DYTN: variants seen among roughly 807,000 people sequenced by gnomAD.
DYTN encodes dystrotelin.
Under a neutral mutation model 69.6 loss-of-function variants are expected in DYTN, and 75 were observed. The observed-to-expected ratio is 1.08, with a 90% CI of 0.89 to 1.31. DYTN has a LOEUF of 1.31. Ranked by LOEUF, DYTN falls within the 50% of genes most tolerant of loss-of-function variation. The probability of loss-of-function intolerance (pLI) is 0.00; values close to 1 mark genes in which losing one functional copy is unlikely to be tolerated. For missense variants in DYTN, 726 were observed against 688.4 expected, an observed-to-expected ratio of 1.05 and a Z score of -0.61; for synonymous variants, 252 against 249.1, an observed-to-expected ratio of 1.01 and a Z score of -0.11.
Position 206,710,544 on chromosome 2 carries a change from G to A in DYTN, c.74C>T (p.Ser25Leu), listed in dbSNP as rs773374925. ...CTTACACTGGCACAGAGTTTGCACTGATTGTAATTTGAAGGCTGTTCTATA... is the reference window on the plus strand; with the variant it reads ...CTTACACTGGCACAGAGTTTGCACTAATTGTAATTTGAAGGCTGTTCTATA... ...SIYRTAFKLQ[S>L]VQTLCQLDLI... The change falls in exon 2 of 12, where the codon TCA (serine) becomes TTA (leucine). Residue 25 changes from serine to leucine, a missense_variant. Transcript: ENST00000452335. The A allele has an allele frequency of 6.2e-7, 1 of 1,612,144 alleles. No individual in the cohort carries two copies. Among genetic ancestry groups the A allele is most frequent in the South Asian group, 1.1e-5 (1 of 90,532 alleles).
rs1351226793 is a variant in DYTN, at chr2:206,664,649, A to G, written c.1140+1221T>C. Among the ~76,000 whole-genome samples, 3 of 152,208 alleles carry G rather than the reference A, an allele frequency of 2.0e-5. No individual in the cohort carries two copies. The East Asian group carries it at 5.8e-4, about 29-fold the overall frequency. On this transcript the variant is annotated intron_variant, in intron 10 of 11. Coordinates refer to ENST00000452335, the MANE Select transcript of DYTN (RefSeq NM_001093730.1). ...TGTACTCCAGCCTGGATGACAGAGC[A>G]AGACCCTGTCTAAAATGTATATTTA...
chr2:206,668,240 C>T (rs777726729), intron 9 of DYTN, among the ~76,000 whole-genome samples: 1 of 152,172 alleles, frequency 6.6e-6, no homozygotes, highest in Non-Finnish European at 1.5e-5. Flanking sequence ...TGTTGTCCAC[C>T]ACCCATGTCT....
chr2:206,669,499 G>C (rs1466122791), intron 9 of DYTN, among the ~76,000 whole-genome samples: 1 of 152,088 alleles, frequency 6.6e-6, no homozygotes, highest in Non-Finnish European at 1.5e-5. Flanking sequence ...TCAATAATCA[G>C]CCTTACACTT....
chr2:206,680,441 C>T (rs912142979), intron 9 of DYTN, among the ~76,000 whole-genome samples: 12 of 152,158 alleles, frequency 7.9e-5, no homozygotes, highest in East Asian at 1.9e-4. Flanking sequence ...CAGATATTTA[C>T]AAACATCAAT....
At chr2:206,683,046 G>GA (rs753527751) in intron 9 of DYTN, among the ~76,000 whole-genome samples, 75 of 151,818 alleles carry the variant, frequency 4.9e-4, no homozygotes, top group Non-Finnish European at 7.5e-4. Context: ...CCTACACCAG[G>GA]AAAAAAAGTA....
At chr2:206,696,688 A>T (rs1200494823) in intron 7 of DYTN, among the ~76,000 whole-genome samples, 1 of 152,318 alleles carries the variant, frequency 6.6e-6, no homozygotes, top group South Asian at 2.1e-4. Flanking sequence ...TTTGAGTCCC[A>T]GGTTACTATC....
intron 6 of DYTN, 62 bp downstream of exon 6, chr2:206,700,083 A>G (rs1302717734): frequency 3.7e-6 from 6 of 1,601,242 alleles, no homozygotes; most frequent in Non-Finnish European, 5.1e-6. Flanking sequence ...TAAATCAGTC[A>G]GCAAACTATC....
intron 8 of DYTN, among the ~76,000 whole-genome samples, chr2:206,694,317 T>C (rs1480844929): frequency 6.6e-6 from 1 of 152,202 alleles, no homozygotes; most frequent in Non-Finnish European, 1.5e-5. Flanking sequence ...CTTTCTTTTT[T>C]CCTAAAGAAG....
rs555373837 is a variant in DYTN, at chr2:206,655,491, C to G, written c.1634-3570G>C. Among the ~76,000 whole-genome samples, 27 of 152,186 alleles carry G rather than the reference C, an allele frequency of 1.8e-4. 1 individual carries two copies. In the South Asian group the frequency reaches 4.2e-3, roughly 23 times the overall value. On this transcript the variant is annotated intron_variant, in intron 11 of 11. Transcript: ENST00000452335. ...GTGGTGCAATCACAGCTCACCGAAG[C>G]CTTGATCTTCCAGGCTCAGGCCATC...
chr2:206,654,803 G>A (rs1319911392), intron 11 of DYTN, among the ~76,000 whole-genome samples: 1 of 152,190 alleles, frequency 6.6e-6, no homozygotes, highest in Non-Finnish European at 1.5e-5. Context: ...TTTATTTTCT[G>A]ATTACTTGAT....
Position 206,687,847 on chromosome 2 carries a change from C to T in DYTN, c.980+5328G>A, listed in dbSNP as rs144547407. ...ATCCTTAGACCTACATGTTCATTCC[C>T]GTTTTATACTATATTATTTGGTCAT... On this transcript the variant is annotated intron_variant, in intron 9 of 11. Coordinates refer to ENST00000452335, the MANE Select transcript of DYTN (RefSeq NM_001093730.1). Among the ~76,000 whole-genome samples the T allele has an allele frequency of 2.6e-3, 401 of 152,054 alleles. 2 individuals are homozygous for T. The highest frequency in any genetic ancestry group is 8.9e-3 in the African/African-American group (369 of 41,506).
At chr2:206,688,432 C>T (rs990025682) in intron 9 of DYTN, among the ~76,000 whole-genome samples, 1 of 151,856 alleles carries the variant, frequency 6.6e-6, no homozygotes, top group African/African-American at 2.4e-5. Context: ...ACAAAAAGCA[C>T]AAATATAAAA....
At chr2:206,717,043 A>ATCACACACACAC (rs1553578479) in intron 1 of DYTN, among the ~76,000 whole-genome samples, 2 of 143,726 alleles carry the variant, frequency 1.4e-5, no homozygotes, top group African/African-American at 5.2e-5. Flanking sequence ...TGCCGATGCA[A>ATCACACACACAC]ACACACACAC....
chr2:206,705,685 C>CT, intron 4 of DYTN, 103 bp downstream of exon 4: 1 of 967,420 alleles, frequency 1.0e-6, no homozygotes, highest in Non-Finnish European at 1.6e-6. Flanking sequence ...ATAAGTCATG[C>CT]TGAGTACATG....
chr2:206,693,220 A>G lies in DYTN; in HGVS notation c.935T>C (p.Leu312Pro), dbSNP rs879429074. 7.4e-6 allele frequency: 12 copies of G among 1,613,428 alleles called. No individual in the cohort carries two copies. In the East Asian group the frequency reaches 2.7e-4, roughly 36 times the overall value. The change falls in exon 9 of 12, where the codon CTG becomes CCG. Residue 312 changes from leucine to proline, a missense_variant. By Grantham distance (98) the Leu-to-Pro change is moderately conservative. Transcript: ENST00000452335. The part of the protein sequence containing the change: ...KKEAARRQQL[L>P]DQVNPKGVPH... ...CACACCCTTTGGATTCACCTGGTCC[A>G]GCAGCTGCTGCCTTCTCGCTGCTTC...
intron 11 of DYTN, among the ~76,000 whole-genome samples, chr2:206,658,523 A>G (rs1286432438): frequency 1.3e-5 from 2 of 152,304 alleles, no homozygotes; most frequent in South Asian, 2.1e-4. Flanking sequence ...AAACGTTCAT[A>G]CTAGTCCCAG....
chr2:206,697,788 C>G (rs1230689627), intron 7 of DYTN, among the ~76,000 whole-genome samples: 1 of 152,128 alleles, frequency 6.6e-6, no homozygotes, highest in African/African-American at 2.4e-5. Context: ...TACATGGGGG[C>G]ATTTTAAAGA....
chr2:206,693,189 G>A lies in DYTN; in HGVS notation c.966C>T (p.His322=), dbSNP rs1205371844. The A allele has an allele frequency of 1.2e-6, 2 of 1,611,510 alleles. No homozygotes were observed. Among genetic ancestry groups the A allele is most frequent in the Non-Finnish European group, 1.7e-6 (2 of 1,179,384 alleles). Reference sequence around the variant, plus strand: ...CAGCCACTCACCTGGCCTGCGCATGGTGAGGCACACCCTTTGGATTCACCT... The same window carrying A: ...CAGCCACTCACCTGGCCTGCGCATGATGAGGCACACCCTTTGGATTCACCT... ...LDQVNPKGVP[H]HAQARLLKKQ... Residue 322 remains histidine, a synonymous_variant, in exon 9 of 12, where the codon CAC becomes CAT. Coordinates refer to ENST00000452335, the MANE Select transcript of DYTN (RefSeq NM_001093730.1).
At chr2:206,671,633 A>G (rs924429633) in intron 9 of DYTN, among the ~76,000 whole-genome samples, 5 of 152,258 alleles carry the variant, frequency 3.3e-5, no homozygotes, top group Non-Finnish European at 5.9e-5. Context: ...GGAAAAGTGT[A>G]TACATATGCT....
Sources: gnomAD v4.1 joint callset for allele counts (sites outside exome capture counted in the v4.1 genomes callset) on GRCh38, gnomAD v4.1.1 for gene constraint, MANE v1.5 for transcripts, NCBI Gene and HGNC (gene_info 2026-07-23, HGNC 2026-07-21) for gene names.